DNAH11: variants seen among roughly 807,000 people sequenced by gnomAD.
DNAH11 encodes the protein dynein axonemal heavy chain 11, also known as axonemal beta dynein heavy chain 11.
In DNAH11, 442 loss-of-function variants were observed where a neutral mutation model predicts 526.0. That is an observed-to-expected ratio of 0.84 (90% confidence interval 0.78 to 0.91). The LOEUF is 0.91. DNAH11 is among the 40% of genes least tolerant of loss of function. DNAH11 has a pLI of 0.00. For missense variants in DNAH11, 6,989 were observed against 5,448.7 expected, an observed-to-expected ratio of 1.28 and a Z score of -8.90; for synonymous variants, 2,461 against 1,935.9, an observed-to-expected ratio of 1.27 and a Z score of -7.12.
chr7:21,816,902 C>A (rs1326191977), intron 64 of DNAH11, among the ~76,000 whole-genome samples, 200 bp downstream of exon 64: 1 of 152,134 alleles, frequency 6.6e-6, no homozygotes, highest in African/African-American at 2.4e-5. Context: ...ACCCAATTAT[C>A]TGAAGAAGAG....
rs568355802 is a variant in DNAH11, at chr7:21,821,906, T to C, written c.10691+3567T>C. On this transcript the variant is annotated intron_variant, in intron 65 of 81. Transcript: ENST00000409508. Reference sequence around the variant, plus strand: ...CTGTTGTAACCACCATTCTCCTCTTTGCCTCCATGAGACCCGATTTTTTAG... The same window carrying C: ...CTGTTGTAACCACCATTCTCCTCTTCGCCTCCATGAGACCCGATTTTTTAG... Among the ~76,000 whole-genome samples the C allele has an allele frequency of 2.0e-5, 3 of 152,186 alleles. No individual in the cohort carries two copies. In the South Asian group the frequency reaches 6.2e-4, roughly 32 times the overall value.
intron 2 of DNAH11, among the ~76,000 whole-genome samples, chr7:21,553,977 G>T (rs1309789237): frequency 6.6e-6 from 1 of 151,912 alleles, no homozygotes; most frequent in Non-Finnish European, 1.5e-5. Context: ...TGCCCTACTG[G>T]GTCCTCTGGA....
intron 5 of DNAH11, among the ~76,000 whole-genome samples, chr7:21,561,642 A>T (rs929115939): frequency 2.0e-5 from 3 of 152,162 alleles, no homozygotes; most frequent in Non-Finnish European, 4.4e-5. Context: ...CTTTGAATAG[A>T]CAATGCATGC....
rs34243043 is a variant in DNAH11, at chr7:21,663,757, C to CTTT, written c.5328+4737_5328+4739dup. Among the ~76,000 whole-genome samples the CTTT allele has an allele frequency of 3.6e-3, 526 of 145,792 alleles. 3 individuals are homozygous for CTTT. Among genetic ancestry groups the CTTT allele is most frequent in the African/African-American group, 0.012 (466 of 39,782 alleles). On this transcript the variant is annotated intron_variant, in intron 30 of 81. Coordinates refer to ENST00000409508, the MANE Select transcript of DNAH11 (RefSeq NM_001277115.2). ...TGATTGTCATAAATGACAGGATTTC[C>CTTT]TTTTTTTTTTTTTAAAGACACAATA...
intron 25 of DNAH11, among the ~76,000 whole-genome samples, chr7:21,620,545 C>G (rs11972496): frequency 6.6e-6 from 1 of 151,748 alleles, no homozygotes; most frequent in Non-Finnish European, 1.5e-5. Flanking sequence ...TTGTTGCAAA[C>G]CAGGATTTTA....
rs112650538 is a variant in DNAH11, at chr7:21,901,502, AAGGTTGCAGTGAGCCG to A, written c.*257_*272del. 495 of 360,678 alleles carry A rather than the reference AAGGTTGCAGTGAGCCG, an allele frequency of 1.4e-3. 7 individuals carry two copies. The East Asian group carries it at 0.016, about 12-fold the overall frequency. The allele number at this position is 360,678 out of a possible 1,614,324, so 22.3% of individuals were successfully genotyped here. A position where few individuals can be genotyped will look rare whatever the true frequency, so the allele number is the denominator to read the frequency against. On this transcript the variant is annotated 3_prime_UTR_variant, in exon 82 of 82. Transcript: ENST00000409508. ...GAGAATCACTTGAACCTAGGAGGCA[AAGGTTGCAGTGAGCCG>A]AGGTTGCACCACTGCACTCCCTCCT...
chr7:21,865,239 G>A (rs1176841709), intron 70 of DNAH11, among the ~76,000 whole-genome samples: 1 of 152,166 alleles, frequency 6.6e-6, no homozygotes, highest in African/African-American at 2.4e-5. Flanking sequence ...CATATGCTAA[G>A]CTTTGCCCTA....
At chr7:21,770,502 T>C (rs1045450164) in intron 55 of DNAH11, among the ~76,000 whole-genome samples, 5 of 152,156 alleles carry the variant, frequency 3.3e-5, no homozygotes, top group African/African-American at 1.2e-4. Flanking sequence ...GCTCAACCAG[T>C]TCCTGCTGTG....
At chr7:21,772,800 A>G (rs763241275) in intron 55 of DNAH11, among the ~76,000 whole-genome samples, 22 of 152,182 alleles carry the variant, frequency 1.4e-4, no homozygotes, top group South Asian at 4.1e-4. Flanking sequence ...GTTTAAAGAC[A>G]TTGTTCAGGA....
intron 71 of DNAH11, 98 bp from the exon 72 acceptor site, chr7:21,867,761 C>T: frequency 8.7e-7 from 1 of 1,145,578 alleles, no homozygotes; most frequent in South Asian, 1.4e-5. Context: ...AACCTGGTTA[C>T]TTCTATCGTG....
chr7:21,654,664 G>C (rs1781933918), intron 28 of DNAH11, among the ~76,000 whole-genome samples: 1 of 152,174 alleles, frequency 6.6e-6, no homozygotes, highest in African/African-American at 2.4e-5. Context: ...CCACAAAACT[G>C]TTTTCCACTT....
At chr7:21,773,660 T>G (rs1787534960) in intron 55 of DNAH11, 106 bp from the exon 56 acceptor site, 5 of 881,188 alleles carry the variant, frequency 5.7e-6, no homozygotes, top group Non-Finnish European at 6.6e-6. Flanking sequence ...TACTATCATT[T>G]TTTTTTCTGA....
At chr7:21,616,162 C>G (rs7785338) in intron 21 of DNAH11, 47 bp from the exon 22 acceptor site, 20 of 1,459,378 alleles carry the variant, frequency 1.4e-5, no homozygotes, top group Non-Finnish European at 7.7e-6. Context: ...CAGAGACTTG[C>G]TTTCACCAAA....
At chr7:21,693,269 A>G (rs1312438765) in intron 35 of DNAH11, among the ~76,000 whole-genome samples, 2 of 152,136 alleles carry the variant, frequency 1.3e-5, no homozygotes, top group Non-Finnish European at 2.9e-5. Flanking sequence ...AACTATATTG[A>G]TTGATTTTCA....
chr7:21,711,621 G>T, intron 41 of DNAH11, 91 bp from the exon 42 acceptor site: 1 of 1,523,100 alleles, frequency 6.6e-7, no homozygotes, highest in Non-Finnish European at 8.8e-7. Context: ...CACACAGCCT[G>T]TGATACTTCT....
intron 30 of DNAH11, among the ~76,000 whole-genome samples, chr7:21,662,565 A>T (rs1782279782): frequency 6.6e-6 from 1 of 152,162 alleles, no homozygotes; most frequent in African/African-American, 2.4e-5. Context: ...TGGAATGGCT[A>T]AATCAGGGTA....
At chr7:21,712,140 C>G (rs187410492) in intron 42 of DNAH11, among the ~76,000 whole-genome samples, 10 of 152,218 alleles carry the variant, frequency 6.6e-5, no homozygotes, top group Admixed American at 6.5e-4. Flanking sequence ...CAGTGTTTGT[C>G]TTTTAGTGAC....
intron 25 of DNAH11, among the ~76,000 whole-genome samples, chr7:21,621,494 C>G (rs1005091600): frequency 2.0e-5 from 3 of 152,096 alleles, no homozygotes; most frequent in Non-Finnish European, 2.9e-5. Flanking sequence ...CATCCTGATA[C>G]CAAAGCCGGG....
chr7:21,821,802 T>C (rs1790062105), intron 65 of DNAH11, among the ~76,000 whole-genome samples: 1 of 152,122 alleles, frequency 6.6e-6, no homozygotes, highest in South Asian at 2.1e-4. Flanking sequence ...ACTAGAATTA[T>C]TCCTTCTAAC....
Sources: allele counts gnomAD v4.1 joint callset (sites outside exome capture counted in the v4.1 genomes callset), GRCh38; gene constraint gnomAD v4.1.1; transcripts MANE v1.5; gene names NCBI Gene and HGNC (gene_info 2026-07-23, HGNC 2026-07-21).